The following GEMIN8 variants were observed in gnomAD, a reference collection of about 807,000 sequenced individuals.
GEMIN8 encodes gem-associated protein 8.
For synonymous variants in GEMIN8, 80 were observed against 78.5 expected, an observed-to-expected ratio of 1.02 and a Z score of -0.10; for missense variants, 185 against 205.9, an observed-to-expected ratio of 0.90 and a Z score of 0.62.
rs752172856 is a variant in GEMIN8 at position 14,009,311 on chromosome X, CA to C, written c.473-143del. On this transcript the variant is annotated intron_variant, in intron 4 of 4. Coordinates refer to ENST00000680255, the MANE Select transcript of GEMIN8 (RefSeq NM_001042479.2). ...ATCTTTCCCTTTCCAACTGTGAAACCAGGCCCAAGTGTTCCAGATGAGATGC... is the reference window on the plus strand; with the variant it reads ...ATCTTTCCCTTTCCAACTGTGAAACCGGCCCAAGTGTTCCAGATGAGATGC... 2.5e-5 allele frequency: 14 copies of C among 558,247 alleles called. No homozygotes were observed. The East Asian group carries it at 5.0e-4, about 20-fold the overall frequency. 46.0% of individuals were successfully genotyped at this position (558,247 alleles called of 1,213,427 possible). A position where few individuals can be genotyped will look rare whatever the true frequency, so the allele number is the denominator to read the frequency against.
At chrX:14,009,355 A>C (rs1923372703) in intron 4 of GEMIN8, among the ~76,000 whole-genome samples, 186 bp from the exon 5 acceptor site, 1 of 111,630 alleles carries the variant, frequency 9.0e-6, no homozygotes, top group Non-Finnish European at 1.9e-5. Flanking sequence ...ATTTTGAGGC[A>C]AGACCTGCAG....
chrX:14,019,844 C>T (rs974346356), intron 4 of GEMIN8, among the ~76,000 whole-genome samples: 1 of 110,787 alleles, frequency 9.0e-6, no homozygotes, highest in African/African-American at 3.3e-5. Context: ...AATAGTAGAA[C>T]TACTATTAGG....
In GEMIN8 at chrX:14,009,176, A is replaced by G. The variant is rs1384406357; in HGVS notation, c.473-7T>C. On this transcript the variant is annotated splice_region_variant and splice_polypyrimidine_tract_variant and intron_variant, in intron 4 of 4. Coordinates refer to ENST00000680255, the MANE Select transcript of GEMIN8 (RefSeq NM_001042479.2). Reference sequence around the variant, plus strand: ...TCCAGCTGCTGCTGCCGCCCTGAGAACAAACACGAACGTGAACATGAACAT... The same window carrying G: ...TCCAGCTGCTGCTGCCGCCCTGAGAGCAAACACGAACGTGAACATGAACAT... 1 of 1,209,288 alleles carries G rather than the reference A, an allele frequency of 8.3e-7. No homozygotes were observed. Among genetic ancestry groups the G allele is most frequent in the East Asian group, 3.0e-5 (1 of 33,805 alleles).
At position 14,009,166 on chromosome X, in the gene GEMIN8, C is replaced by T. The variant is rs749314407; in HGVS notation, c.476G>A (p.Arg159Gln). 8 of 1,210,634 alleles carry T rather than the reference C, an allele frequency of 6.6e-6. No individual in the cohort carries two copies. In the South Asian group the frequency reaches 1.1e-4, roughly 16 times the overall value. ...GCGCTCTGCATCCAGCTGCTGCTGCCGCCCTGAGAACAAACACGAACGTGA... is the reference window on the plus strand; with the variant it reads ...GCGCTCTGCATCCAGCTGCTGCTGCTGCCCTGAGAACAAACACGAACGTGA... ...ETERHREERR[R>Q]QQQLDAERLD... Residue 159 changes from arginine (R) to glutamine (Q), a missense_variant, in exon 5 of 5, where the codon CGG becomes CAG. Arg to Gln is a conservative substitution (Grantham distance 43, BLOSUM62 1). Coordinates refer to ENST00000680255, the MANE Select transcript of GEMIN8 (RefSeq NM_001042479.2).
chrX:14,020,132 T>C lies in GEMIN8; in HGVS notation c.418A>G (p.Thr140Ala), dbSNP rs963027463. The change falls in exon 4 of 5, where the codon ACT (threonine) becomes GCT (alanine). Residue 140 changes from threonine (T) to alanine (A), a missense_variant. Thr to Ala is a moderately conservative substitution (Grantham distance 58, BLOSUM62 0). Coordinates refer to ENST00000680255, the MANE Select transcript of GEMIN8 (RefSeq NM_001042479.2). ...VECDLSNMEITEELRQYFAET... is the reference protein window; with the variant it reads ...VECDLSNMEIAEELRQYFAET... ...GCAAAGTACTGGCGGAGCTCTTCAG[T>C]GATTTCCATATTGCTCAGGTCACAT... The C allele has an allele frequency of 8.3e-7, 1 of 1,207,439 alleles. No individual in the cohort carries two copies. The highest frequency in any genetic ancestry group is 1.7e-5 in the African/African-American group (1 of 57,150).
rs1206279178 is a variant in GEMIN8 at position 14,014,431 on chromosome X, C to T, written c.473-5262G>A. On this transcript the variant is annotated intron_variant, in intron 4 of 4. Transcript: ENST00000680255. ...TAATCCTGAAGTTACTGGACAACCG[C>T]CATTTTTACTTTTACAACAGAAGTG... 16 of 750,990 alleles carry T rather than the reference C, an allele frequency of 2.1e-5. No homozygotes were observed. The African/African-American group carries it at 3.3e-4, about 15-fold the overall frequency. The allele number at this position is 750,990 out of a possible 1,213,427, so 61.9% of individuals were successfully genotyped here.
At chrX:13,994,659 T>C in the GEMIN8 span, among the ~76,000 whole-genome samples, 2 of 112,043 alleles carry the variant, frequency 1.8e-5, no homozygotes, top group South Asian at 3.7e-4. Context: ...GTGGCTGCTA[T>C]GGCACTTGTG....
intron 1 of GEMIN8, chrX:14,026,517 G>A (rs952322609): frequency 1.5e-4 from 35 of 241,012 alleles, no homozygotes; most frequent in African/African-American, 9.9e-4. Flanking sequence ...CAGTACATCT[G>A]CTCATCCTGC....
At chrX:13,985,716 T>C in the GEMIN8 span, among the ~76,000 whole-genome samples, 4 of 111,713 alleles carry the variant, frequency 3.6e-5, no homozygotes, top group Admixed American at 9.6e-5. Context: ...AGAAAAGTGC[T>C]GTGTACTGAA....
chrX:14,007,819 G>A lies in GEMIN8; in HGVS notation c.*1094C>T, dbSNP rs1051557291. On this transcript the variant is annotated 3_prime_UTR_variant, in exon 5 of 5. Transcript: ENST00000680255. ...TGGGATTACAGGCATGAGCCACCGC[G>A]CCGGGCCGGAATTATTGTTCTTTGC... is the stretch of plus-strand genomic sequence containing the variant. Among the ~76,000 whole-genome samples, 2 of 110,621 alleles carry A rather than the reference G, an allele frequency of 1.8e-5. No homozygotes were observed. Among genetic ancestry groups the A allele is most frequent in the African/African-American group, 3.3e-5 (1 of 30,335 alleles).
chrX:14,026,638 A>G (rs1924712934), intron 1 of GEMIN8, among the ~76,000 whole-genome samples: 1 of 112,581 alleles, frequency 8.9e-6, no homozygotes, highest in Admixed American at 9.4e-5. Flanking sequence ...AAATTTCACA[A>G]ATAAGTGGCT....
the GEMIN8 span, among the ~76,000 whole-genome samples, chrX:13,997,254 T>C: frequency 9.0e-6 from 1 of 111,474 alleles, no homozygotes. Flanking sequence ...TGTCCTCTTT[T>C]GTTGCTTTTG....
the GEMIN8 span, among the ~76,000 whole-genome samples, chrX:13,992,285 T>C: frequency 8.9e-6 from 1 of 112,134 alleles, no homozygotes; most frequent in Non-Finnish European, 1.9e-5. Context: ...TGGTGACAAA[T>C]GCTGTGGGAG....
In GEMIN8 at chrX:14,009,221, G is replaced by A. The variant is rs766193292; in HGVS notation, c.473-52C>T. ...GAACATAAACACACGTGTGTGCACT[G>A]CAGAAGGAGCCCAGTGAGTGCTGCT... is the stretch of plus-strand genomic sequence containing the variant. On this transcript the variant is annotated intron_variant, in intron 4 of 4. Transcript: ENST00000680255. The A allele has an allele frequency of 5.2e-6, 6 of 1,144,317 alleles. No homozygotes were observed. The Admixed American group carries it at 1.3e-4, about 26-fold the overall frequency. 94.3% of individuals were successfully genotyped at this position (1,144,317 alleles called of 1,213,427 possible).
At chrX:14,002,895 C>T (rs184162313), downstream of GEMIN8, among the ~76,000 whole-genome samples, 126 of 111,447 alleles carry the variant, frequency 1.1e-3, 1 homozygote, top group East Asian at 0.034. Context: ...TTTTGAACTC[C>T]TCAAATTCAC....
At chrX:13,989,200 C>T in the GEMIN8 span, among the ~76,000 whole-genome samples, 3 of 110,964 alleles carry the variant, frequency 2.7e-5, no homozygotes, top group Admixed American at 9.6e-5. Context: ...TGGATGCTCC[C>T]GCCTCAGCCT....
At chrX:14,004,515 C>A (rs1923075263), downstream of GEMIN8, among the ~76,000 whole-genome samples, 1 of 112,239 alleles carries the variant, frequency 8.9e-6, no homozygotes, top group African/African-American at 3.2e-5. Context: ...AACCTATACT[C>A]CCATAGCAAT....
chrX:13,995,728 A>T, the GEMIN8 span, among the ~76,000 whole-genome samples: 19 of 110,245 alleles, frequency 1.7e-4, no homozygotes, highest in African/African-American at 5.6e-4. Flanking sequence ...TCCTTCTTTG[A>T]CTCTGACCCA....
chrX:13,986,956 T>C, the GEMIN8 span, among the ~76,000 whole-genome samples: 1 of 112,944 alleles, frequency 8.9e-6, no homozygotes, highest in Non-Finnish European at 1.9e-5. Flanking sequence ...GATTTTTTAA[T>C]AGTTTTATTT....
Sources: allele counts gnomAD v4.1 joint callset (sites outside exome capture counted in the v4.1 genomes callset), GRCh38; gene constraint gnomAD v4.1.1; transcripts MANE v1.5; gene names NCBI Gene and HGNC (gene_info 2026-07-23, HGNC 2026-07-21).